Variants in PRIMA1 observed in about 807,000 individuals in gnomAD.
PRIMA1 encodes the protein proline rich membrane anchor 1, also known as proline-rich membrane anchor 1.
PRIMA1 carries 7 observed loss-of-function variants against 17.5 expected under a neutral mutation model. That is an observed-to-expected ratio of 0.40 (90% CI 0.23 to 0.75). The LOEUF (loss-of-function observed/expected upper bound fraction) is 0.75, where lower values mean the gene tolerates loss of function less well. PRIMA1 is among the 30% of genes least tolerant of loss of function. PRIMA1 has a pLI of 0.37. For synonymous variants in PRIMA1, 97 were observed against 77.9 expected, an observed-to-expected ratio of 1.25 and a Z score of -1.29; for missense variants, 200 against 201.8, an observed-to-expected ratio of 0.99 and a Z score of 0.05.
Position 93,720,259 on chromosome 14 carries a change from C to T in PRIMA1, c.*1185G>A, listed in dbSNP as rs1322672690. On this transcript the variant is annotated 3_prime_UTR_variant, in exon 5 of 5. Coordinates refer to ENST00000393140, the MANE Select transcript of PRIMA1 (RefSeq NM_178013.4). ...ACAGGGAAGGCTGCCACTTGGGAGA[C>T]AGGCCAACAGGGCAGGGGTCACCAG... The T allele has an allele frequency of 6.6e-6, 1 of 152,290 alleles. No individual in the cohort carries two copies. The highest frequency in any genetic ancestry group is 6.5e-5 in the Admixed American group (1 of 15,292). The allele number at this position is 152,290 out of a possible 1,614,324, so 9.4% of individuals were successfully genotyped here.
intron 4 of PRIMA1, among the ~76,000 whole-genome samples, chr14:93,736,030 G>A (rs1427581254): frequency 1.3e-5 from 2 of 152,166 alleles, no homozygotes; most frequent in Non-Finnish European, 2.9e-5. Context: ...CAGAGTTACA[G>A]GGTCTTAGAG....
intron 3 of PRIMA1, among the ~76,000 whole-genome samples, chr14:93,742,383 G>A (rs923763263): frequency 6.6e-6 from 1 of 152,200 alleles, no homozygotes; most frequent in Non-Finnish European, 1.5e-5. Flanking sequence ...TCTCCCCAGG[G>A]GAACTCTGAG....
chr14:93,732,595 C>G (rs999719316), intron 4 of PRIMA1, among the ~76,000 whole-genome samples: 1 of 152,236 alleles, frequency 6.6e-6, no homozygotes, highest in Non-Finnish European at 1.5e-5. Flanking sequence ...GTGGTGCCCA[C>G]TCCTGTAGCC....
chr14:93,787,752 G>C lies in PRIMA1; in HGVS notation c.-31-3C>G, dbSNP rs1257022125. ...GCGGCGCCCGCTCCTGGGGCGAACT[G>C]TCAGGAGAGCAAGGCTAGGGTCAGG... On this transcript the variant is annotated splice_polypyrimidine_tract_variant and splice_region_variant and intron_variant, in intron 1 of 4. Transcript: ENST00000393140. 1 of 1,538,848 alleles carries C rather than the reference G, an allele frequency of 6.5e-7. No homozygotes were observed. Among genetic ancestry groups the C allele is most frequent in the Non-Finnish European group, 8.7e-7 (1 of 1,145,554 alleles).
chr14:93,787,406 C>A (rs538354645), intron 2 of PRIMA1, among the ~76,000 whole-genome samples: 1 of 152,204 alleles, frequency 6.6e-6, no homozygotes, highest in Non-Finnish European at 1.5e-5. Context: ...AAGGCCAGCC[C>A]GGTCCTGCAG....
At chr14:93,754,875 A>G (rs938148071) in intron 3 of PRIMA1, among the ~76,000 whole-genome samples, 1 of 152,112 alleles carries the variant, frequency 6.6e-6, no homozygotes, top group Non-Finnish European at 1.5e-5. Context: ...CGTCATACAG[A>G]CAGGGTGACG....
chr14:93,778,194 C>T (rs1885277711), intron 3 of PRIMA1, among the ~76,000 whole-genome samples: 1 of 152,124 alleles, frequency 6.6e-6, no homozygotes, highest in Non-Finnish European at 1.5e-5. Context: ...TGAAGTGGGC[C>T]CAAGAAGACG....
intron 3 of PRIMA1, among the ~76,000 whole-genome samples, chr14:93,757,310 C>T (rs552233024): frequency 6.6e-6 from 1 of 152,332 alleles, no homozygotes; most frequent in African/African-American, 2.4e-5. Context: ...TCAGCCACCA[C>T]CACCAGCTCG....
intron 4 of PRIMA1, among the ~76,000 whole-genome samples, chr14:93,732,163 A>G (rs2076118975): frequency 6.6e-6 from 1 of 152,224 alleles, no homozygotes; most frequent in African/African-American, 2.4e-5. Flanking sequence ...TGGCCAATGG[A>G]GGCAAGGTGT....
chr14:93,785,920 C>T (rs1034223027), intron 2 of PRIMA1, among the ~76,000 whole-genome samples: 2 of 151,728 alleles, frequency 1.3e-5, no homozygotes, highest in Non-Finnish European at 2.9e-5. Context: ...ACACACACAC[C>T]CCTGCTTGTG....
At chr14:93,754,720 A>G (rs953844022) in intron 3 of PRIMA1, among the ~76,000 whole-genome samples, 4 of 152,196 alleles carry the variant, frequency 2.6e-5, no homozygotes, top group Non-Finnish European at 5.9e-5. Context: ...TTCAAAATCC[A>G]GTGGACATTG....
rs140260614 is a variant in PRIMA1, at chr14:93,770,118, C to T, written c.229+9058G>A. Among the ~76,000 whole-genome samples, 141 of 152,244 alleles carry T rather than the reference C, an allele frequency of 9.3e-4. 1 individual carries two copies. Among genetic ancestry groups the T allele is most frequent in the Middle Eastern group, 3.4e-3 (1 of 294 alleles). On this transcript the variant is annotated intron_variant, in intron 3 of 4. Transcript: ENST00000393140. ...AGAATGATCTTAACTTAGACCAGGG[C>T]GTGACACCTCCTCTTGCCTCCACCC...
intron 4 of PRIMA1, among the ~76,000 whole-genome samples, chr14:93,724,340 C>T (rs755717852): frequency 7.9e-5 from 12 of 152,186 alleles, no homozygotes; most frequent in Non-Finnish European, 1.3e-4. Flanking sequence ...TTTATGTAGA[C>T]GCTAACAGAT....
intron 3 of PRIMA1, among the ~76,000 whole-genome samples, chr14:93,773,342 C>T (rs1253037854): frequency 4.6e-5 from 7 of 152,254 alleles, no homozygotes; most frequent in East Asian, 1.9e-4. Flanking sequence ...AAGCCCCTTG[C>T]TGAGATTGTC....
At chr14:93,754,082 A>T (rs1230350893) in intron 3 of PRIMA1, among the ~76,000 whole-genome samples, 1 of 152,218 alleles carries the variant, frequency 6.6e-6, no homozygotes, top group Non-Finnish European at 1.5e-5. Context: ...ATGGAGGAAA[A>T]TATTTATATT....
intron 3 of PRIMA1, among the ~76,000 whole-genome samples, chr14:93,742,622 G>T (rs997992476): frequency 1.3e-5 from 2 of 152,100 alleles, no homozygotes; most frequent in Non-Finnish European, 2.9e-5. Flanking sequence ...TGGACGTGTG[G>T]ACCCACCCAA....
rs117774837 is a variant in PRIMA1 at position 93,783,839 on chromosome 14, C to T, written c.93+3787G>A. On this transcript the variant is annotated intron_variant, in intron 2 of 4. Coordinates refer to ENST00000393140, the MANE Select transcript of PRIMA1 (RefSeq NM_178013.4). ...GGTCTGAGGGACACAGTGTTCCCAG[C>T]ATCAGTTCCCTCTTCTCCAACCACC... Among the ~76,000 whole-genome samples the T allele has an allele frequency of 1.3e-4, 20 of 151,040 alleles. No individual in the cohort carries two copies. The East Asian group carries it at 3.9e-3, about 29-fold the overall frequency.
intron 4 of PRIMA1, among the ~76,000 whole-genome samples, chr14:93,725,462 C>G (rs937282465): frequency 1.3e-5 from 2 of 152,260 alleles, no homozygotes; most frequent in Non-Finnish European, 2.9e-5. Flanking sequence ...TCTGCACCCC[C>G]CCAACTCCAC....
chr14:93,781,068 G>A (rs1465809263), intron 2 of PRIMA1, among the ~76,000 whole-genome samples: 11 of 152,216 alleles, frequency 7.2e-5, no homozygotes, highest in African/African-American at 1.9e-4. Flanking sequence ...GGTAATGTCC[G>A]CTGGGGTGGC....
Sources: gnomAD v4.1 joint callset for allele counts (sites outside exome capture counted in the v4.1 genomes callset) on GRCh38, gnomAD v4.1.1 for gene constraint, MANE v1.5 for transcripts, NCBI Gene and HGNC (gene_info 2026-07-23, HGNC 2026-07-21) for gene names.